TYW1B: variants seen among roughly 807,000 people sequenced by gnomAD.
TYW1B encodes the protein S-adenosyl-L-methionine-dependent tRNA 4-demethylwyosine synthase TYW1B.
Under a neutral mutation model 86.9 loss-of-function variants are expected in TYW1B, and 73 were observed. The ratio of observed to expected loss-of-function variants is 0.84; its 90% CI spans 0.70 to 1.02. TYW1B has a LOEUF of 1.02. Ranked by LOEUF, TYW1B falls within the 50% of genes least tolerant of loss-of-function variation. The pLI is 0.00. For missense variants in TYW1B, 637 were observed against 827.4 expected, an observed-to-expected ratio of 0.77 and a Z score of 2.82; for synonymous variants, 248 against 292.8, an observed-to-expected ratio of 0.85 and a Z score of 1.56.
chr7:72,679,292 A>G (rs1813813625), intron 11 of TYW1B, among the ~76,000 whole-genome samples: 1 of 152,220 alleles, frequency 6.6e-6, no homozygotes, highest in Admixed American at 6.5e-5. Flanking sequence ...GTTAGTTCCG[A>G]AAGAAATTAT....
intron 4 of TYW1B, among the ~76,000 whole-genome samples, 176 bp from the exon 5 acceptor site, chr7:72,807,532 G>A (rs1554477063): frequency 3.9e-5 from 6 of 152,120 alleles, no homozygotes; most frequent in African/African-American, 1.4e-4. Flanking sequence ...TGACCCAGAA[G>A]AGGGTCATTT....
At chr7:72,679,172 G>C (rs1813810560) in intron 11 of TYW1B, among the ~76,000 whole-genome samples, 2 of 152,154 alleles carry the variant, frequency 1.3e-5, no homozygotes. Context: ...GAAATTTAAT[G>C]CAGTAGTCTC....
At chr7:72,715,724 T>C (rs1451455076) in intron 9 of TYW1B, among the ~76,000 whole-genome samples, 12 of 151,682 alleles carry the variant, frequency 7.9e-5, no homozygotes, top group African/African-American at 2.9e-4. Context: ...CCTGCACTTG[T>C]ACCCCTGAAC....
intron 7 of TYW1B, among the ~76,000 whole-genome samples, chr7:72,749,782 T>A (rs1234686659): frequency 1.3e-5 from 2 of 151,098 alleles, no homozygotes; most frequent in Non-Finnish European, 2.9e-5. Flanking sequence ...ACTAGATTGC[T>A]GATTTGAGAC....
chr7:72,611,380 G>A (rs541489567), intron 13 of TYW1B, among the ~76,000 whole-genome samples: 7 of 152,210 alleles, frequency 4.6e-5, no homozygotes, highest in East Asian at 1.9e-4. Flanking sequence ...TAATTCCCAC[G>A]TATTGTGGGA....
intron 13 of TYW1B, among the ~76,000 whole-genome samples, chr7:72,582,160 GA>G (rs56223954): frequency 0.02 from 2,479 of 124,752 alleles, no homozygotes; most frequent in South Asian, 0.027. Flanking sequence ...ACAGAAAGGA[GA>G]AAAAAAAAAT....
rs1484780117 is a variant in TYW1B, at chr7:72,751,252, C to T, written c.965-6651G>A. Among the ~76,000 whole-genome samples, 5 of 151,988 alleles carry T rather than the reference C, an allele frequency of 3.3e-5. No individual in the cohort carries two copies. The South Asian group carries it at 8.3e-4, about 25-fold the overall frequency. On this transcript the variant is annotated intron_variant, in intron 7 of 13. Transcript: ENST00000620995. Reference sequence around the variant, plus strand: ...GGGGTTTCACCATGTTGGCCAGGCTCGTCTTGAACTCCTGACCTCAGGTGA... The same window carrying T: ...GGGGTTTCACCATGTTGGCCAGGCTTGTCTTGAACTCCTGACCTCAGGTGA...
chr7:72,798,335 G>A (rs1585991748), intron 6 of TYW1B, among the ~76,000 whole-genome samples: 1 of 151,776 alleles, frequency 6.6e-6, no homozygotes, highest in Non-Finnish European at 1.5e-5. Context: ...AGCTTGCAGT[G>A]AGCCGAGATC....
chr7:72,681,592 T>TTC (rs1491271942), intron 11 of TYW1B, among the ~76,000 whole-genome samples: 3 of 82,552 alleles, frequency 3.6e-5, no homozygotes, highest in African/African-American at 1.4e-4. Flanking sequence ...TATTTACTTC[T>TTC]TTTTTTTTTT....
intron 11 of TYW1B, among the ~76,000 whole-genome samples, chr7:72,688,894 C>T (rs1554449889): frequency 6.6e-6 from 1 of 152,212 alleles, no homozygotes; most frequent in Non-Finnish European, 1.5e-5. Flanking sequence ...AGCTTGCAGA[C>T]ACTGGCTTTA....
chr7:72,820,650 C>T lies in TYW1B; in HGVS notation c.136-5169G>A, dbSNP rs1788811393. Among the ~76,000 whole-genome samples, 3 of 151,944 alleles carry T rather than the reference C, an allele frequency of 2.0e-5. No homozygotes were observed. The South Asian group carries it at 6.2e-4, about 32-fold the overall frequency. On this transcript the variant is annotated intron_variant, in intron 2 of 13. Transcript: ENST00000620995. ...AGGAGAGGTTCCAGGCTCTTCTTACCAACAAGCTCTCTTGGGAACTAAGAC... is the reference window on the plus strand; with the variant it reads ...AGGAGAGGTTCCAGGCTCTTCTTACTAACAAGCTCTCTTGGGAACTAAGAC...
At chr7:72,598,151 G>C (rs1385625713) in intron 13 of TYW1B, among the ~76,000 whole-genome samples, 1 of 152,130 alleles carries the variant, frequency 6.6e-6, no homozygotes, top group Admixed American at 6.6e-5. Flanking sequence ...AATATGGTGG[G>C]CACAATTTAA....
intron 7 of TYW1B, among the ~76,000 whole-genome samples, chr7:72,763,199 T>C (rs533538370): frequency 6.7e-4 from 102 of 151,964 alleles, no homozygotes; most frequent in Non-Finnish European, 1.0e-4. Flanking sequence ...CAAGATAATT[T>C]CCTATGCTAT....
chr7:72,704,267 C>T (rs1321728307), intron 10 of TYW1B, among the ~76,000 whole-genome samples: 7 of 151,750 alleles, frequency 4.6e-5, no homozygotes, highest in African/African-American at 1.7e-4. Context: ...AACCCTGTCT[C>T]TACTATAAAG....
rs116776473 is a variant in TYW1B at position 72,592,775 on chromosome 7, G to A, written c.1786-17056C>T. Among the ~76,000 whole-genome samples, 227 of 152,198 alleles carry A rather than the reference G, an allele frequency of 1.5e-3. 2 individuals carry two copies. Among genetic ancestry groups the A allele is most frequent in the African/African-American group, 5.3e-3 (221 of 41,528 alleles). On this transcript the variant is annotated intron_variant, in intron 13 of 13. Coordinates refer to ENST00000620995, the MANE Select transcript of TYW1B (RefSeq NM_001145440.3). ...CTAATATCAAAGAAAATACGACTTT[G>A]AATTAAAAAGGTTATGAAACAAAGA...
At chr7:72,726,086 G>T (rs1786993408) in intron 9 of TYW1B, among the ~76,000 whole-genome samples, 1 of 152,126 alleles carries the variant, frequency 6.6e-6, no homozygotes, top group South Asian at 2.1e-4. Flanking sequence ...TTCCAGATGT[G>T]GAGCTTACTA....
At position 72,808,529 on chromosome 7, in the gene TYW1B, C is replaced by CTTT. The variant is rs66804350; in HGVS notation, c.433-1176_433-1174dup. 7.1e-3 allele frequency among the ~76,000 whole-genome samples: 979 copies of CTTT among 138,598 alleles called. 17 individuals carry two copies. Among genetic ancestry groups the CTTT allele is most frequent in the Non-Finnish European group, 9.7e-3 (633 of 65,244 alleles). 90.9% of individuals were successfully genotyped at this position (138,598 alleles called of 152,430 possible). Reference sequence around the variant, plus strand: ...TGAAAACAGCTTTTATTTTATTTTACTTTTTTTTTTTTTTTGAGACGGAGT... The same window carrying CTTT: ...TGAAAACAGCTTTTATTTTATTTTACTTTTTTTTTTTTTTTTTTGAGACGGAGT... On this transcript the variant is annotated intron_variant, in intron 4 of 13. Coordinates refer to ENST00000620995, the MANE Select transcript of TYW1B (RefSeq NM_001145440.3).
At chr7:72,747,792 T>C (rs1191549996) in intron 7 of TYW1B, among the ~76,000 whole-genome samples, 1 of 152,244 alleles carries the variant, frequency 6.6e-6, no homozygotes, top group Non-Finnish European at 1.5e-5. Context: ...ATACTGAGTT[T>C]TCTAATCCAT....
Position 72,826,927 on chromosome 7 carries a change from C to T in TYW1B, c.63G>A (p.Arg21=), listed in dbSNP as rs782184025. ...SSPLISLWIN[R]FYIYLGFAVS... ...CAGCAAAGCCCAGATAAATGTAAAACCTGTTTATCCATAATGATATTAAAG... is the reference window on the plus strand; with the variant it reads ...CAGCAAAGCCCAGATAAATGTAAAATCTGTTTATCCATAATGATATTAAAG... The change falls in exon 2 of 14, where the codon AGG becomes AGA. Residue 21 remains arginine, a synonymous_variant. Coordinates refer to ENST00000620995, the MANE Select transcript of TYW1B (RefSeq NM_001145440.3). The T allele has an allele frequency of 5.0e-6, 8 of 1,613,816 alleles. No individual in the cohort carries two copies. Among genetic ancestry groups the T allele is most frequent in the South Asian group, 2.2e-5 (2 of 91,032 alleles).
Sources: allele counts gnomAD v4.1 joint callset (sites outside exome capture counted in the v4.1 genomes callset), GRCh38; gene constraint gnomAD v4.1.1; transcripts MANE v1.5; gene names NCBI Gene and HGNC (gene_info 2026-07-23, HGNC 2026-07-21).